Variants in GPC6 observed in about 807,000 individuals in gnomAD.
GPC6 encodes glypican-6.
In GPC6, 14 loss-of-function variants were observed where a neutral mutation model predicts 55.2. That is an observed-to-expected ratio of 0.25 (90% CI 0.17 to 0.40). GPC6 has a LOEUF of 0.40. Among genes scored for constraint, GPC6 ranks in the 10% least tolerant of loss-of-function variants. The pLI is 1.00. For missense variants in GPC6, 641 were observed against 708.5 expected (o/e 0.90, Z 1.08); for synonymous variants, 278 against 259.6 (o/e 1.07, Z -0.68).
At chr13:93,708,492 T>C (rs1882934314) in intron 2 of GPC6, among the ~76,000 whole-genome samples, 1 of 151,824 alleles carries the variant, frequency 6.6e-6, no homozygotes, top group East Asian at 1.9e-4. Context: ...GCAATGACTT[T>C]GGACTTTTTA....
At chr13:93,542,415 T>G (rs9301895) in intron 1 of GPC6, among the ~76,000 whole-genome samples, 7 of 151,816 alleles carry the variant, frequency 4.6e-5, no homozygotes, top group Non-Finnish European at 8.8e-5. Flanking sequence ...CATGCTGTTT[T>G]GGTTACTGTA....
intron 3 of GPC6, among the ~76,000 whole-genome samples, chr13:93,871,590 T>C (rs1889134812): frequency 6.6e-6 from 1 of 152,016 alleles, no homozygotes; most frequent in African/African-American, 2.4e-5. Context: ...AGACACATTT[T>C]GTCTTTTTTC....
chr13:93,812,823 T>A (rs1484230991), intron 2 of GPC6, among the ~76,000 whole-genome samples: 4 of 152,196 alleles, frequency 2.6e-5, no homozygotes, highest in Non-Finnish European at 5.9e-5. Context: ...GTCATTCTCA[T>A]AACACTCTAT....
intron 1 of GPC6, among the ~76,000 whole-genome samples, chr13:93,260,566 T>C (rs1349863221): frequency 6.6e-6 from 1 of 152,158 alleles, no homozygotes; most frequent in Non-Finnish European, 1.5e-5. Context: ...ACTCATGTCC[T>C]CAATTTATAA....
chr13:93,557,565 C>T (rs1875546530), intron 2 of GPC6, among the ~76,000 whole-genome samples: 1 of 152,152 alleles, frequency 6.6e-6, no homozygotes, highest in African/African-American at 2.4e-5. Context: ...GATCATTAGA[C>T]CAGCCAGGCT....
At chr13:93,989,532 T>C (rs1168742313) in intron 3 of GPC6, among the ~76,000 whole-genome samples, 1 of 152,130 alleles carries the variant, frequency 6.6e-6, no homozygotes. Flanking sequence ...TAGAACACAG[T>C]TTTTAAAAGG....
rs549098827 is a variant in GPC6 at position 94,258,013 on chromosome 13, G to A, written c.878-28336G>A. Reference sequence around the variant, plus strand: ...ATAGTTGGGTTATTGCAAAGAATATGAAAGTTAATACTTTTTAGAAGGGTA... The same window carrying A: ...ATAGTTGGGTTATTGCAAAGAATATAAAAGTTAATACTTTTTAGAAGGGTA... On this transcript the variant is annotated intron_variant, in intron 4 of 8. Transcript: ENST00000377047. Among the ~76,000 whole-genome samples the A allele has an allele frequency of 2.6e-3, 391 of 152,290 alleles. 2 individuals are homozygous for A. The highest frequency in any genetic ancestry group is 9.0e-3 in the African/African-American group (374 of 41,556).
intron 2 of GPC6, among the ~76,000 whole-genome samples, chr13:93,546,489 C>T (rs1874795314): frequency 6.6e-6 from 1 of 152,212 alleles, no homozygotes; most frequent in African/African-American, 2.4e-5. Context: ...AATGATGTGA[C>T]ACTTTCTGTG....
intron 2 of GPC6, among the ~76,000 whole-genome samples, chr13:93,572,929 T>C (rs959792087): frequency 2.0e-5 from 3 of 152,084 alleles, no homozygotes; most frequent in African/African-American, 7.2e-5. Context: ...CCCACAACAT[T>C]AGAAAGATAG....
intron 4 of GPC6, among the ~76,000 whole-genome samples, chr13:94,073,908 C>T (rs1392212755): frequency 6.6e-6 from 1 of 152,136 alleles, no homozygotes; most frequent in Non-Finnish European, 1.5e-5. Flanking sequence ...CACTATGTCC[C>T]ATCTCTTTGA....
intron 7 of GPC6, among the ~76,000 whole-genome samples, chr13:94,384,051 A>G (rs770607414): frequency 2.0e-5 from 3 of 152,184 alleles, no homozygotes; most frequent in Non-Finnish European, 2.9e-5. Flanking sequence ...TCAAGATGGG[A>G]ATTGGTGGGG....
chr13:93,466,999 A>C (rs1878927811), intron 1 of GPC6, among the ~76,000 whole-genome samples: 1 of 152,218 alleles, frequency 6.6e-6, no homozygotes, highest in African/African-American at 2.4e-5. Context: ...GAGGTAAAAT[A>C]CTTTTCTTAA....
At chr13:93,220,218 G>A in the GPC6 span, among the ~76,000 whole-genome samples, 1 of 152,160 alleles carries the variant, frequency 6.6e-6, no homozygotes, top group African/African-American at 2.4e-5. Flanking sequence ...CATGTGAAGA[G>A]CTATTCCCTA....
chr13:93,245,563 T>C (rs1238011433), intron 1 of GPC6, among the ~76,000 whole-genome samples: 1 of 152,208 alleles, frequency 6.6e-6, no homozygotes, highest in Non-Finnish European at 1.5e-5. Context: ...AATTTGCGTT[T>C]CTAACAAGTT....
chr13:93,536,414 A>G (rs1882065530), intron 1 of GPC6, among the ~76,000 whole-genome samples: 1 of 152,054 alleles, frequency 6.6e-6, no homozygotes, highest in African/African-American at 2.4e-5. Context: ...CCCCAGCCCC[A>G]GGTAACCACC....
intron 1 of GPC6, among the ~76,000 whole-genome samples, chr13:93,290,226 A>G (rs929258940): frequency 6.6e-6 from 1 of 152,134 alleles, no homozygotes; most frequent in Non-Finnish European, 1.5e-5. Context: ...TTAAACCATG[A>G]AAAGGACAAA....
intron 3 of GPC6, among the ~76,000 whole-genome samples, chr13:93,889,107 T>C (rs1225957735): frequency 6.6e-6 from 1 of 152,150 alleles, no homozygotes; most frequent in Non-Finnish European, 1.5e-5. Flanking sequence ...TTTTTAATTT[T>C]AAAATATATG....
At position 93,403,907 on chromosome 13, in the gene GPC6, A is replaced by C. The variant is rs184817820; in HGVS notation, c.161-141356A>C. Among the ~76,000 whole-genome samples the C allele has an allele frequency of 8.9e-4, 136 of 152,238 alleles. 2 individuals carry two copies. Among genetic ancestry groups the C allele is most frequent in the African/African-American group, 3.2e-3 (132 of 41,554 alleles). ...TTTTATTAGATAGACCTTTGTCTTA[A>C]TATACCTTTCTTATTGGAAATTTTG... is the stretch of plus-strand genomic sequence containing the variant. On this transcript the variant is annotated intron_variant, in intron 1 of 8. Coordinates refer to ENST00000377047, the MANE Select transcript of GPC6 (RefSeq NM_005708.5).
At chr13:93,254,670 G>C (rs2139032817) in intron 1 of GPC6, among the ~76,000 whole-genome samples, 1 of 151,978 alleles carries the variant, frequency 6.6e-6, no homozygotes, top group East Asian at 1.9e-4. Context: ...GTTTCAGTTT[G>C]CATATGAAGA....
Sources: gnomAD v4.1 joint callset for allele counts (sites outside exome capture counted in the v4.1 genomes callset) on GRCh38, gnomAD v4.1.1 for gene constraint, MANE v1.5 for transcripts, NCBI Gene and HGNC (gene_info 2026-07-23, HGNC 2026-07-21) for gene names.